Variants in HERC2 observed in about 807,000 individuals in gnomAD.
The protein encoded by HERC2 is E3 ubiquitin-protein ligase HERC2.
In HERC2, 102 loss-of-function variants were observed where a neutral mutation model predicts 537.7. That is an observed-to-expected ratio of 0.19 (90% CI 0.16 to 0.22). HERC2 has a LOEUF of 0.22. Among genes scored for constraint, HERC2 ranks in the 10% least tolerant of loss-of-function variants. The pLI, the probability that HERC2 is intolerant of heterozygous loss-of-function variation, is 1.00. For synonymous variants in HERC2, 2,224 were observed against 2,466.2 expected (o/e 0.90, Z 2.91); for missense variants, 4,236 against 6,198.2 (o/e 0.68, Z 10.63).
rs373567574 is a variant in HERC2, at chr15:28,201,448, T to C, written c.7716+8A>G. The C allele has an allele frequency of 6.2e-5, 95 of 1,538,722 alleles. 1 individual carries two copies. In the African/African-American group the frequency reaches 1.1e-3, roughly 18 times the overall value. The stretch of plus-strand genomic sequence containing the variant: ...GGATCGAGGCTCCAGCTTAAGACAA[T>C]TACTCACCTGAATATTCTCTCTCAC... On this transcript the variant is annotated splice_region_variant and intron_variant, in intron 48 of 92. Coordinates refer to ENST00000261609, the MANE Select transcript of HERC2 (RefSeq NM_004667.6).
At chr15:28,198,287 T>C in intron 50 of HERC2, 91 bp downstream of exon 50, 2 of 1,408,922 alleles carry the variant, frequency 1.4e-6, no homozygotes, top group Non-Finnish European at 2.0e-6. Context: ...ACTTGTTTTC[T>C]GTTTTGTGTG....
At chr15:28,112,895 A>G (rs1180783100) in intron 92 of HERC2, among the ~76,000 whole-genome samples, 176 bp downstream of exon 92, 1 of 152,208 alleles carries the variant, frequency 6.6e-6, no homozygotes, top group Non-Finnish European at 1.5e-5. Context: ...TACCCAAAAC[A>G]CATAATCATA....
At position 28,113,865 on chromosome 15, in the gene HERC2, C is replaced by T; in HGVS notation, c.13914-187G>A. On this transcript the variant is annotated intron_variant, in intron 90 of 92. Transcript: ENST00000261609. The surrounding 1 kb of genome is among the most constrained non-coding windows in gnomAD (Gnocchi z 7.0). ...GCAGAGCTTCTCCTGACACTGGGCT[C>T]ATCTCGTCCAGCCGACAGGGTACGG... The T allele has an allele frequency of 3.2e-6, 2 of 625,740 alleles. No individual in the cohort carries two copies. Among genetic ancestry groups the T allele is most frequent in the Non-Finnish European group, 5.8e-6 (2 of 346,356 alleles). The allele number at this position is 625,740 out of a possible 1,614,324, so 38.8% of individuals were successfully genotyped here. A position where few individuals can be genotyped will look rare whatever the true frequency, so the allele number is the denominator to read the frequency against.
chr15:28,254,912 C>T (rs1284545236), intron 19 of HERC2, among the ~76,000 whole-genome samples: 1 of 152,216 alleles, frequency 6.6e-6, no homozygotes, highest in Non-Finnish European at 1.5e-5. Context: ...GGCAAAGCCA[C>T]TTGGGGAAAC....
rs777353624 is a variant in HERC2, at chr15:28,263,138, A to G, written c.1902T>C (p.Tyr634=). The G allele has an allele frequency of 8.1e-6, 13 of 1,613,486 alleles. No individual in the cohort carries two copies. Among genetic ancestry groups the G allele is most frequent in the Non-Finnish European group, 1.1e-5 (13 of 1,179,390 alleles). ...GQVWSWGDGD[Y]GKLGRGGSDG... The stretch of plus-strand genomic sequence containing the variant: ...CACTACCACCTCTGCCCAATTTCCC[A>G]TAGTCACCATCTCCCCAAGACCACA... The change falls in exon 15 of 93, where the codon TAT becomes TAC. Residue 634 remains tyrosine (Y), a synonymous_variant. Transcript: ENST00000261609.
intron 39 of HERC2, 76 bp downstream of exon 39, chr15:28,215,545 C>T: frequency 4.6e-6 from 6 of 1,314,258 alleles, no homozygotes; most frequent in Admixed American, 2.2e-5. Context: ...AATAAAGGCC[C>T]CTGACTCTGA....
At chr15:28,305,577 A>G (rs2076763465) in intron 2 of HERC2, among the ~76,000 whole-genome samples, 1 of 113,458 alleles carries the variant, frequency 8.8e-6, no homozygotes, top group East Asian at 2.1e-4. Flanking sequence ...TAAAAACCCT[A>G]GAAGAAAACC....
rs997292503 is a variant in HERC2, at chr15:28,260,911, T to G, written c.2182A>C (p.Ser728Arg). ...TTGCTCCCCCAGCTGTGGACCTCGC[T>G]GTCCTCAGTCAGAGCCAGGCAGTGG... ...STHCLALTED[S>R]EVHSWGSNDQ... The change falls in exon 16 of 93, where the codon AGC becomes CGC. Residue 728 changes from serine to arginine, a missense_variant. Ser to Arg is a moderately radical substitution (Grantham distance 110). Transcript: ENST00000261609. The G allele has an allele frequency of 4.3e-6, 7 of 1,614,078 alleles. No individual in the cohort carries two copies. Among genetic ancestry groups the G allele is most frequent in the Non-Finnish European group, 5.9e-6 (7 of 1,180,036 alleles).
intron 2 of HERC2, among the ~76,000 whole-genome samples, chr15:28,300,277 A>T (rs1398525898): frequency 1.3e-5 from 2 of 150,372 alleles, no homozygotes; most frequent in Non-Finnish European, 2.9e-5. Context: ...CATCCTCAAA[A>T]ATTAAAATTA....
intron 15 of HERC2, 134 bp downstream of exon 15, chr15:28,262,784 A>G: frequency 1.1e-6 from 1 of 920,094 alleles, no homozygotes; most frequent in Non-Finnish European, 1.7e-6. Flanking sequence ...CAGTCCATTC[A>G]TGGAATGTCA....
Position 28,132,792 on chromosome 15 carries a change from C to A in HERC2, c.12269G>T (p.Gly4090Val). ...DRPRVIESLR[G>V]IEVVDVAAGG... Reference sequence around the variant, plus strand: ...AGCAGCAACATCGACCACTTCAATTCCTCTCAGAGACTCGATGACACGAGG... The same window carrying A: ...AGCAGCAACATCGACCACTTCAATTACTCTCAGAGACTCGATGACACGAGG... The change falls in exon 80 of 93, where the codon GGA becomes GTA. Residue 4090 changes from glycine to valine, a missense_variant. Transcript: ENST00000261609. 6.3e-7 allele frequency: 1 copy of A among 1,597,380 alleles called. No individual in the cohort carries two copies. Among genetic ancestry groups the A allele is most frequent in the Non-Finnish European group, 8.5e-7 (1 of 1,172,186 alleles).
rs1304325795 is a variant in HERC2 at position 28,215,651 on chromosome 15, T to C, written c.6180A>G (p.Ala2060=). Residue 2060 remains alanine (A), a synonymous_variant, in exon 39 of 93, where the codon GCA becomes GCG. Coordinates refer to ENST00000261609, the MANE Select transcript of HERC2 (RefSeq NM_004667.6). The part of the protein sequence containing the change: ...TLLMKVVEGH[A]PFTATSLQRQ... Reference sequence around the variant, plus strand: ...TCTGCAGCGAGGTGGCAGTGAAGGGTGCGTGCCCTTCCACGACCTTCATGA... The same window carrying C: ...TCTGCAGCGAGGTGGCAGTGAAGGGCGCGTGCCCTTCCACGACCTTCATGA... 2 of 1,611,016 alleles carry C rather than the reference T, an allele frequency of 1.2e-6. No individual in the cohort carries two copies.
chr15:28,279,482 CCA>C (rs1389401446), intron 5 of HERC2, among the ~76,000 whole-genome samples: 1 of 152,120 alleles, frequency 6.6e-6, no homozygotes, highest in Non-Finnish European at 1.5e-5. Context: ...TGGCTGGCTT[CCA>C]CAGTTACTGA....
chr15:28,311,221 C>T (rs13379928), intron 2 of HERC2, among the ~76,000 whole-genome samples: 20,090 of 144,862 alleles, frequency 0.14, 1,157 homozygotes, highest in East Asian at 0.43. Flanking sequence ...TCCCAGCAGT[C>T]TGGGAGGCCG....
chr15:28,248,929 GC>G (rs1903989192), intron 20 of HERC2, among the ~76,000 whole-genome samples, 193 bp from the exon 21 acceptor site: 1 of 152,196 alleles, frequency 6.6e-6, no homozygotes, highest in Non-Finnish European at 1.5e-5. Flanking sequence ...GAGCAGAAGG[GC>G]ACGGAAGGCT....
At chr15:28,238,898 C>T in intron 23 of HERC2, 126 bp from the exon 24 acceptor site, 2 of 748,260 alleles carry the variant, frequency 2.7e-6, no homozygotes, top group Non-Finnish European at 4.9e-6. Context: ...GAAATACATA[C>T]CTAGCTCTGA....
intron 5 of HERC2, among the ~76,000 whole-genome samples, chr15:28,278,305 C>A (rs1040675635): frequency 6.6e-6 from 1 of 152,006 alleles, no homozygotes; most frequent in Non-Finnish European, 1.5e-5. Flanking sequence ...ATCACTTGAG[C>A]CCAGGAGGTC....
chr15:28,219,766 G>A (rs1900321551), intron 37 of HERC2, among the ~76,000 whole-genome samples: 1 of 152,152 alleles, frequency 6.6e-6, no homozygotes. Flanking sequence ...GGGGCACTGC[G>A]GTGCTTCCGG....
chr15:28,283,933 T>C (rs2076087851), intron 4 of HERC2, among the ~76,000 whole-genome samples: 1 of 152,164 alleles, frequency 6.6e-6, no homozygotes, highest in Non-Finnish European at 1.5e-5. Flanking sequence ...TTGTATCAGA[T>C]TTAGGAATAT....
Sources: allele counts gnomAD v4.1 joint callset (sites outside exome capture counted in the v4.1 genomes callset), GRCh38; gene constraint gnomAD v4.1.1; non-coding constraint Gnocchi (gnomAD v3.1); transcripts MANE v1.5; gene names NCBI Gene and HGNC (gene_info 2026-07-23, HGNC 2026-07-21).